DLGAP1: variants seen among roughly 807,000 people sequenced by gnomAD.
DLGAP1 encodes DLG associated protein 1, also known as disks large-associated protein 1.
Under a neutral mutation model 90.8 loss-of-function variants are expected in DLGAP1, and 11 were observed. That is an observed-to-expected ratio of 0.12 (90% CI 0.08 to 0.20). The LOEUF (loss-of-function observed/expected upper bound fraction) is 0.20, where lower values mean the gene tolerates loss of function less well. Ranked by LOEUF, DLGAP1 falls within the 10% of genes least tolerant of loss-of-function variation. DLGAP1 has a pLI of 1.00. For synonymous variants in DLGAP1, 558 were observed against 540.7 expected, an observed-to-expected ratio of 1.03 and a Z score of -0.44; for missense variants, 1,050 against 1,333.8, an observed-to-expected ratio of 0.79 and a Z score of 3.31.
rs141581207 is a variant in DLGAP1, at chr18:4,097,007, T to C, written c.-159+54173A>G. The stretch of plus-strand genomic sequence containing the variant: ...GGTATATTTTTGTCATCATTATTCT[T>C]ACAGGGGTCTCCTCTCTCTTTCAAA... On this transcript the variant is annotated intron_variant, in intron 2 of 12. Transcript: ENST00000315677. Among the ~76,000 whole-genome samples the C allele has an allele frequency of 1.8e-4, 27 of 152,370 alleles. No individual in the cohort carries two copies. In the East Asian group the frequency reaches 5.0e-3, roughly 28 times the overall value.
At chr18:4,343,695 T>C (rs2081249395) in intron 1 of DLGAP1, among the ~76,000 whole-genome samples, 1 of 152,128 alleles carries the variant, frequency 6.6e-6, no homozygotes, top group Non-Finnish European at 1.5e-5. Flanking sequence ...AAATACCTAA[T>C]GTAGATGACG....
intron 7 of DLGAP1, among the ~76,000 whole-genome samples, chr18:3,668,856 G>A (rs2059974684): frequency 6.6e-6 from 1 of 152,160 alleles, no homozygotes; most frequent in East Asian, 1.9e-4. Flanking sequence ...AAATTAGCTG[G>A]GTGAGGTGGC....
chr18:3,818,296 CA>C (rs1450417383), intron 4 of DLGAP1, among the ~76,000 whole-genome samples: 1 of 149,762 alleles, frequency 6.7e-6, no homozygotes, highest in Non-Finnish European at 1.5e-5. Flanking sequence ...AAGAAATGGC[CA>C]TAATCAAGTG....
At chr18:3,529,097 C>T (rs910557668) in intron 10 of DLGAP1, among the ~76,000 whole-genome samples, 1 of 152,184 alleles carries the variant, frequency 6.6e-6, no homozygotes, top group African/African-American at 2.4e-5. Flanking sequence ...TAGTTACTTG[C>T]TATGGTCTGA....
chr18:3,600,308 A>G (rs943717053), intron 7 of DLGAP1, among the ~76,000 whole-genome samples: 4 of 151,516 alleles, frequency 2.6e-5, no homozygotes, highest in African/African-American at 7.3e-5. Context: ...CTGGAGTGCA[A>G]TGGCACGCAC....
chr18:4,347,154 T>C (rs1192672446), intron 1 of DLGAP1, among the ~76,000 whole-genome samples: 4 of 152,062 alleles, frequency 2.6e-5, no homozygotes, highest in African/African-American at 9.7e-5. Flanking sequence ...ACTCCATTAA[T>C]GGAGAAAGTT....
At chr18:3,951,900 T>C (rs918679801) in intron 3 of DLGAP1, among the ~76,000 whole-genome samples, 1 of 152,198 alleles carries the variant, frequency 6.6e-6, no homozygotes, top group African/African-American at 2.4e-5. Flanking sequence ...CGATTAAACC[T>C]TTTTTGTTTA....
At chr18:4,393,487 A>T (rs934178679) in intron 1 of DLGAP1, among the ~76,000 whole-genome samples, 2 of 152,146 alleles carry the variant, frequency 1.3e-5, no homozygotes, top group African/African-American at 2.4e-5. Flanking sequence ...TCCCATGTCA[A>T]ATGGTACTTT....
At position 3,759,965 on chromosome 18, in the gene DLGAP1, C is replaced by G. The variant is rs191529232; in HGVS notation, c.1173-17453G>C. ...GCCGGGGTGCCAGACACTCAGGATG[C>G]CGGTGTATCCAAAGCTGAGCCTGTT... On this transcript the variant is annotated intron_variant, in intron 5 of 12. Transcript: ENST00000315677. Among the ~76,000 whole-genome samples, 15 of 152,254 alleles carry G rather than the reference C, an allele frequency of 9.9e-5. No homozygotes were observed. The East Asian group carries it at 2.9e-3, about 29-fold the overall frequency.
At chr18:4,099,417 T>C (rs901635793) in intron 2 of DLGAP1, among the ~76,000 whole-genome samples, 2 of 152,210 alleles carry the variant, frequency 1.3e-5, no homozygotes, top group Non-Finnish European at 2.9e-5. Context: ...ACCACAGCAA[T>C]AAAGAAAGTC....
At chr18:4,317,252 C>A (rs2080554638) in intron 1 of DLGAP1, among the ~76,000 whole-genome samples, 1 of 152,200 alleles carries the variant, frequency 6.6e-6, no homozygotes, top group Admixed American at 6.5e-5. Flanking sequence ...GTAGGGCCGT[C>A]ACATCCTTGT....
At chr18:3,932,638 G>A (rs866253156) in intron 3 of DLGAP1, among the ~76,000 whole-genome samples, 64 of 152,300 alleles carry the variant, frequency 4.2e-4, no homozygotes, top group Middle Eastern at 3.4e-3. Flanking sequence ...GAGGAGTCCG[G>A]CCTGGTCTCT....
intron 2 of DLGAP1, among the ~76,000 whole-genome samples, chr18:4,089,831 G>T (rs1020171026): frequency 1.3e-5 from 2 of 152,166 alleles, no homozygotes; most frequent in African/African-American, 2.4e-5. Flanking sequence ...GGATCACGAG[G>T]TCAGGAGATC....
intron 2 of DLGAP1, among the ~76,000 whole-genome samples, chr18:4,005,965 AG>A (rs1340575598): frequency 6.6e-6 from 1 of 152,126 alleles, no homozygotes; most frequent in Non-Finnish European, 1.5e-5. Context: ...TCCAGACAAG[AG>A]ACAGTTGTTC....
At chr18:4,290,767 T>A (rs2079826330) in intron 1 of DLGAP1, among the ~76,000 whole-genome samples, 1 of 152,146 alleles carries the variant, frequency 6.6e-6, no homozygotes, top group Non-Finnish European at 1.5e-5. Flanking sequence ...AAGTTATGAG[T>A]ATTGAAAAGG....
chr18:4,156,828 T>C (rs1476466299), intron 1 of DLGAP1, among the ~76,000 whole-genome samples: 1 of 152,174 alleles, frequency 6.6e-6, no homozygotes, highest in Non-Finnish European at 1.5e-5. Flanking sequence ...CAATGATTAA[T>C]AGTCCTATAA....
intron 7 of DLGAP1, among the ~76,000 whole-genome samples, chr18:3,610,450 C>A (rs746198970): frequency 1.3e-5 from 2 of 152,184 alleles, no homozygotes; most frequent in Admixed American, 6.5e-5. Context: ...TTTAACCCAC[C>A]TGTGCCCTCA....
chr18:4,226,521 T>C (rs1049244110), intron 1 of DLGAP1, among the ~76,000 whole-genome samples: 17 of 151,646 alleles, frequency 1.1e-4, no homozygotes, highest in Non-Finnish European at 5.9e-5. Context: ...AAGATATAAA[T>C]AGAAATAACA....
chr18:4,130,963 C>T (rs924348144), intron 2 of DLGAP1, among the ~76,000 whole-genome samples: 1 of 151,742 alleles, frequency 6.6e-6, no homozygotes, highest in East Asian at 1.9e-4. Context: ...AGGATTTACC[C>T]AAGAAGGGAC....
Sources: gnomAD v4.1 joint callset for allele counts (sites outside exome capture counted in the v4.1 genomes callset) on GRCh38, gnomAD v4.1.1 for gene constraint, MANE v1.5 for transcripts, NCBI Gene and HGNC (gene_info 2026-07-23, HGNC 2026-07-21) for gene names.